PDE1C: variants seen among roughly 807,000 people sequenced by gnomAD.
The protein encoded by PDE1C is phosphodiesterase 1C.
Under a neutral mutation model 93.1 loss-of-function variants are expected in PDE1C, and 62 were observed. The observed-to-expected ratio is 0.67, with a 90% CI of 0.54 to 0.82. The LOEUF (loss-of-function observed/expected upper bound fraction) is 0.82. Among genes scored for constraint, PDE1C ranks in the 40% least tolerant of loss-of-function variants. The pLI is 0.00. For missense variants in PDE1C, 742 were observed against 884.6 expected, an observed-to-expected ratio of 0.84 and a Z score of 2.04; for synonymous variants, 325 against 310.1, an observed-to-expected ratio of 1.05 and a Z score of -0.50.
At chr7:31,727,672 G>C in the PDE1C span, among the ~76,000 whole-genome samples, 1 of 152,156 alleles carries the variant, frequency 6.6e-6, no homozygotes, top group Non-Finnish European at 1.5e-5. Context: ...TCAAGACAAA[G>C]ATTTCCTGAC....
the PDE1C span, chr7:31,643,851 A>G: frequency 6.2e-7 from 1 of 1,613,934 alleles, no homozygotes. Flanking sequence ...CTGAACCCTC[A>G]GTCTGTAGGC....
At chr7:32,075,413 A>C (rs893285129), upstream of PDE1C, among the ~76,000 whole-genome samples, 2 of 151,952 alleles carry the variant, frequency 1.3e-5, no homozygotes, top group African/African-American at 2.4e-5. Context: ...CCCACACCAG[A>C]TGTGAGGCGG....
chr7:31,959,980 C>T (rs1808697984), intron 2 of PDE1C, among the ~76,000 whole-genome samples: 1 of 151,980 alleles, frequency 6.6e-6, no homozygotes, highest in African/African-American at 2.4e-5. Flanking sequence ...ATGCTCCTGC[C>T]TCAGCCTCCT....
chr7:31,780,719 T>C (rs574550930), intron 16 of PDE1C, among the ~76,000 whole-genome samples: 1 of 152,322 alleles, frequency 6.6e-6, no homozygotes, highest in South Asian at 2.1e-4. Flanking sequence ...TAGCAAACTG[T>C]GTCATACAAC....
At chr7:31,734,954 C>T in the PDE1C span, among the ~76,000 whole-genome samples, 12 of 152,146 alleles carry the variant, frequency 7.9e-5, no homozygotes, top group Non-Finnish European at 4.4e-5. Context: ...CAAATTGAAG[C>T]CTTGCTACTC....
At chr7:31,718,276 G>C in the PDE1C span, among the ~76,000 whole-genome samples, 8 of 152,010 alleles carry the variant, frequency 5.3e-5, no homozygotes, top group Non-Finnish European at 1.2e-4. Context: ...GATTGAGACC[G>C]GGAGGAAGGC....
chr7:32,021,420 CT>C (rs1025433502), intron 2 of PDE1C, among the ~76,000 whole-genome samples: 3 of 152,078 alleles, frequency 2.0e-5, no homozygotes, highest in African/African-American at 7.2e-5. Flanking sequence ...TGAGTATGTT[CT>C]TTCCACAATA....
chr7:31,732,599 TC>T, the PDE1C span, among the ~76,000 whole-genome samples: 3 of 149,864 alleles, frequency 2.0e-5, no homozygotes, highest in South Asian at 6.3e-4. Context: ...ATAGGCCAAT[TC>T]CTTTAAATCT....
intron 2 of PDE1C, among the ~76,000 whole-genome samples, chr7:31,897,184 G>A (rs1344136982): frequency 6.6e-6 from 1 of 152,210 alleles, no homozygotes; most frequent in African/African-American, 2.4e-5. Context: ...GGCGAGTGCT[G>A]CTCTGGAGTG....
chr7:31,623,214 A>C, the PDE1C span, among the ~76,000 whole-genome samples: 22 of 152,256 alleles, frequency 1.4e-4, no homozygotes, highest in East Asian at 2.7e-3. Context: ...AAACTATTCC[A>C]ATCAATAGAA....
chr7:31,673,147 A>G, the PDE1C span, among the ~76,000 whole-genome samples: 1 of 152,182 alleles, frequency 6.6e-6, no homozygotes. Context: ...ATGGACTAAT[A>G]CAGTGGGGAA....
At chr7:32,281,928 C>T (rs1293630334) in intron 1 of PDE1C, among the ~76,000 whole-genome samples, 2 of 152,124 alleles carry the variant, frequency 1.3e-5, no homozygotes, top group Non-Finnish European at 2.9e-5. Context: ...AAGGACAGAA[C>T]GTGTTCTCCC....
chr7:32,211,590 G>A (rs3936264), intron 1 of PDE1C, among the ~76,000 whole-genome samples: 123,592 of 139,318 alleles, frequency 0.89, 54,233 homozygotes, highest in Non-Finnish European at 0.95. Context: ...TAAAAAAAAA[G>A]GGGGGGGTAA....
At chr7:32,301,750 A>G (rs1216708065), upstream of PDE1C, among the ~76,000 whole-genome samples, 1 of 152,252 alleles carries the variant, frequency 6.6e-6, no homozygotes, top group East Asian at 1.9e-4. Context: ...CGCTCACTCA[A>G]GAAAGCCTGG....
intron 1 of PDE1C, among the ~76,000 whole-genome samples, chr7:32,422,485 A>G (rs1583437559): frequency 7.9e-6 from 1 of 126,598 alleles, no homozygotes; most frequent in South Asian, 3.1e-4. Flanking sequence ...TTTCCCCCCC[A>G]CCTGGCCTCC....
At chr7:32,237,738 CTGTGTATA>C (rs1808213745) in intron 1 of PDE1C, among the ~76,000 whole-genome samples, 1 of 57,802 alleles carries the variant, frequency 1.7e-5, no homozygotes, top group Non-Finnish European at 3.2e-5. Context: ...GCACTTGGCT[CTGTGTATA>C]TATATATATA....
At chr7:31,817,613 G>A (rs1788431811) in intron 14 of PDE1C, among the ~76,000 whole-genome samples, 1 of 152,110 alleles carries the variant, frequency 6.6e-6, no homozygotes, top group African/African-American at 2.4e-5. Context: ...ACTGGGAAAA[G>A]TATTATTACA....
At chr7:31,966,528 C>T (rs1414773799) in intron 2 of PDE1C, among the ~76,000 whole-genome samples, 17 of 152,318 alleles carry the variant, frequency 1.1e-4, no homozygotes, top group Admixed American at 3.3e-4. Context: ...TAACACCCCA[C>T]TGTCAACATT....
At chr7:32,363,709 C>T (rs1784180869) in intron 1 of PDE1C, among the ~76,000 whole-genome samples, 1 of 152,144 alleles carries the variant, frequency 6.6e-6, no homozygotes, top group African/African-American at 2.4e-5. Context: ...ATAGATTAAA[C>T]ACCACACAAA....
Sources: allele counts gnomAD v4.1 joint callset (sites outside exome capture counted in the v4.1 genomes callset), GRCh38; gene constraint gnomAD v4.1.1; transcripts MANE v1.5; gene names NCBI Gene and HGNC (gene_info 2026-07-23, HGNC 2026-07-21).